The following MALT1 variants were observed in gnomAD, a reference collection of about 807,000 sequenced individuals.
MALT1 encodes the protein mucosa-associated lymphoid tissue lymphoma translocation protein 1.
In MALT1, 36 loss-of-function variants were observed where a neutral mutation model predicts 85.5. The ratio of observed to expected loss-of-function variants is 0.42; its 90% CI spans 0.32 to 0.56. The LOEUF is 0.56. MALT1 is among the 20% of genes least tolerant of loss of function. MALT1 has a pLI of 0.10. For synonymous variants in MALT1, 359 were observed against 361.3 expected (o/e 0.99, Z 0.07); for missense variants, 716 against 981.6 (o/e 0.73, Z 3.62).
intron 14 of MALT1, among the ~76,000 whole-genome samples, chr18:58,742,684 G>C (rs977970176): frequency 1.3e-5 from 2 of 152,238 alleles, no homozygotes; most frequent in African/African-American, 4.8e-5. Flanking sequence ...CTGCACTCCA[G>C]TCTGGGCGAC....
intron 4 of MALT1, among the ~76,000 whole-genome samples, chr18:58,701,820 A>G (rs753150294): frequency 6.6e-6 from 1 of 152,232 alleles, no homozygotes; most frequent in African/African-American, 2.4e-5. Context: ...TTGTCTCCCT[A>G]TCTAACTGAA....
At position 58,711,401 on chromosome 18, in the gene MALT1, T is replaced by G. The variant is rs571153366; in HGVS notation, c.958+448T>G. On this transcript the variant is annotated intron_variant, in intron 7 of 16. Transcript: ENST00000649217. ...TTATAAAAGTTTCAGGAGAGGAGAT[T>G]TATTGTTTAACATATGTTCTATGAA... Among the ~76,000 whole-genome samples the G allele has an allele frequency of 9.8e-5, 15 of 152,318 alleles. No homozygotes were observed. In the South Asian group the frequency reaches 2.5e-3, roughly 25 times the overall value.
intron 9 of MALT1, among the ~76,000 whole-genome samples, chr18:58,719,132 A>G (rs1012790071): frequency 1.3e-5 from 2 of 152,158 alleles, no homozygotes; most frequent in African/African-American, 4.8e-5. Flanking sequence ...CAGTTTTATT[A>G]TCTCTCATTG....
rs916694090 is a variant in MALT1, at chr18:58,753,707, TAC to T, written c.*5869_*5870del. 6.6e-6 allele frequency: 1 copy of T among 152,256 alleles called. No individual in the cohort carries two copies. Among genetic ancestry groups the T allele is most frequent in the Admixed American group, 6.5e-5 (1 of 15,288 alleles). The allele number at this position is 152,256 out of a possible 1,614,324, so 9.4% of individuals were successfully genotyped here. A position where few individuals can be genotyped will look rare whatever the true frequency, so the allele number is the denominator to read the frequency against. On this transcript the variant is annotated 3_prime_UTR_variant, in exon 17 of 17. Transcript: ENST00000649217. ...TTGTTTACCTGTGTCTTGCAGATTT[TAC>T]ACAGTGAACAATGACTGTATAATTT...
intron 4 of MALT1, among the ~76,000 whole-genome samples, chr18:58,708,764 G>A (rs2054792632): frequency 6.6e-6 from 1 of 152,140 alleles, no homozygotes; most frequent in South Asian, 2.1e-4. Flanking sequence ...GAATATTACT[G>A]ATCACCTGTA....
intron 14 of MALT1, 30 bp downstream of exon 14, chr18:58,742,044 T>C: frequency 7.0e-7 from 1 of 1,432,202 alleles, no homozygotes. Flanking sequence ...TTGTTAGATC[T>C]ACAATATACT....
chr18:58,734,604 A>C, intron 12 of MALT1: 2 of 482,340 alleles, frequency 4.1e-6, no homozygotes, highest in South Asian at 7.3e-5. Context: ...GGGTTTTTTG[A>C]TTATAGATTA....
chr18:58,743,537 C>T (rs942181311), intron 14 of MALT1, among the ~76,000 whole-genome samples: 1 of 151,808 alleles, frequency 6.6e-6, no homozygotes, highest in Non-Finnish European at 1.5e-5. Context: ...AGCAAAATTA[C>T]GGTGGTAAAG....
chr18:58,727,634 T>G (rs1302558578), intron 10 of MALT1, among the ~76,000 whole-genome samples: 4 of 150,194 alleles, frequency 2.7e-5, no homozygotes, highest in Non-Finnish European at 3.0e-5. Context: ...TTTTGTTTTT[T>G]TTTTTTTTGA....
At chr18:58,674,049 T>A (rs1360268271) in intron 1 of MALT1, 1 of 152,100 alleles carries the variant, frequency 6.6e-6, no homozygotes, top group African/African-American at 2.4e-5. Flanking sequence ...TCCAGAGTAT[T>A]ACGGTGCTAA....
At chr18:58,738,010 G>A (rs1025479677) in intron 13 of MALT1, among the ~76,000 whole-genome samples, 1 of 152,172 alleles carries the variant, frequency 6.6e-6, no homozygotes, top group African/African-American at 2.4e-5. Context: ...ATTATTATTA[G>A]AAGTGTTGAA....
intron 3 of MALT1, among the ~76,000 whole-genome samples, chr18:58,698,029 C>T (rs1308727997): frequency 8.2e-5 from 4 of 48,510 alleles, no homozygotes; most frequent in Admixed American, 5.8e-4. Flanking sequence ...TGGTAGGATT[C>T]GTGGGGTTTT....
intron 13 of MALT1, among the ~76,000 whole-genome samples, chr18:58,740,041 T>G (rs2055280818): frequency 6.6e-6 from 1 of 152,238 alleles, no homozygotes; most frequent in African/African-American, 2.4e-5. Context: ...TCTTGAATAT[T>G]TCTTGTACCA....
intron 13 of MALT1, among the ~76,000 whole-genome samples, chr18:58,739,808 T>TACAC (rs36038136): frequency 0.01 from 1,577 of 150,978 alleles, 25 homozygotes; most frequent in African/African-American, 0.028. Context: ...TGTACACACA[T>TACAC]ACACACACAC....
chr18:58,725,426 G>A (rs1428057752), intron 10 of MALT1, among the ~76,000 whole-genome samples: 3 of 151,736 alleles, frequency 2.0e-5, no homozygotes, highest in Non-Finnish European at 4.4e-5. Context: ...TCCAAAATCT[G>A]GAAAAAAAAA....
chr18:58,725,428 A>G (rs1479944667), intron 10 of MALT1, among the ~76,000 whole-genome samples: 2 of 150,676 alleles, frequency 1.3e-5, no homozygotes, highest in Admixed American at 6.6e-5. Flanking sequence ...CAAAATCTGG[A>G]AAAAAAAAAT....
Position 58,747,708 on chromosome 18 carries a change from C to G in MALT1, c.2341C>G (p.Arg781Gly). 1.2e-6 allele frequency: 2 copies of G among 1,614,096 alleles called. No homozygotes were observed. Among genetic ancestry groups the G allele is most frequent in the Non-Finnish European group, 1.7e-6 (2 of 1,179,988 alleles). ...ACCAGCAGATAGCTGTCATTGCAGC[C>G]GGACTCCAGATGCATTTATTTCAAG... ...VTPADSCHCS[R>G]TPDAFISSFA... The change falls in exon 17 of 17, where the codon CGG (arginine) becomes GGG (glycine). Residue 781 changes from arginine (R) to glycine (G), a missense_variant. Coordinates refer to ENST00000649217, the MANE Select transcript of MALT1 (RefSeq NM_006785.4).
intron 10 of MALT1, among the ~76,000 whole-genome samples, chr18:58,732,456 A>G (rs1028186964): frequency 6.6e-6 from 1 of 152,198 alleles, no homozygotes; most frequent in Non-Finnish European, 1.5e-5. Flanking sequence ...TAGATGGAAG[A>G]TTGATATTTA....
intron 10 of MALT1, among the ~76,000 whole-genome samples, chr18:58,726,573 A>G (rs1321787575): frequency 6.6e-6 from 1 of 152,236 alleles, no homozygotes; most frequent in Non-Finnish European, 1.5e-5. Context: ...TAGAAGAAAT[A>G]AAAGTTGCAA....
Sources: allele counts gnomAD v4.1 joint callset (sites outside exome capture counted in the v4.1 genomes callset), GRCh38; gene constraint gnomAD v4.1.1; transcripts MANE v1.5; gene names NCBI Gene and HGNC (gene_info 2026-07-23, HGNC 2026-07-21).